The following RRM2 variants were observed in gnomAD, a reference collection of about 807,000 sequenced individuals.
RRM2 encodes the protein ribonucleoside-diphosphate reductase subunit M2.
In RRM2, 6 loss-of-function variants were observed where a neutral mutation model predicts 45.9. The ratio of observed to expected loss-of-function variants is 0.13; its 90% CI spans 0.07 to 0.26. The LOEUF (loss-of-function observed/expected upper bound fraction) is 0.26, where lower values mean the gene tolerates loss of function less well. RRM2 is among the 10% of genes least tolerant of loss of function. The probability of loss-of-function intolerance (pLI) is 1.00; values close to 1 mark genes in which losing one functional copy is unlikely to be tolerated. For synonymous variants in RRM2, 177 were observed against 173.0 expected, an observed-to-expected ratio of 1.02 and a Z score of -0.18; for missense variants, 343 against 489.5, an observed-to-expected ratio of 0.70 and a Z score of 2.82.
intron 3 of RRM2, among the ~76,000 whole-genome samples, chr2:10,143,311 T>C (rs910324523): frequency 6.6e-6 from 1 of 152,162 alleles, no homozygotes; most frequent in African/African-American, 2.4e-5. Flanking sequence ...CCTGGGAACC[T>C]CCTCAGACCC....
At chr2:10,126,594 A>C (rs969660318) in intron 5 of RRM2, 1 of 401,760 alleles carries the variant, frequency 2.5e-6, no homozygotes, top group African/African-American at 2.0e-5. Context: ...TCCCTGCTGT[A>C]CTGGACTATG....
chr2:10,154,691 CTT>C (rs70948874), intron 3 of RRM2, among the ~76,000 whole-genome samples: 4 of 95,744 alleles, frequency 4.2e-5, no homozygotes, highest in Admixed American at 1.3e-4. Flanking sequence ...AGTCCTGATT[CTT>C]TTTTTTTTTT....
intron 3 of RRM2, among the ~76,000 whole-genome samples, chr2:10,160,986 G>A (rs1286891460): frequency 1.3e-5 from 2 of 152,154 alleles, no homozygotes; most frequent in East Asian, 1.9e-4. Flanking sequence ...CCGTCCTTCC[G>A]AGCCTCCCTC....
intron 3 of RRM2, chr2:10,146,138 G>C (rs1186226061): frequency 6.6e-6 from 1 of 152,296 alleles, no homozygotes; most frequent in South Asian, 2.1e-4. Context: ...TTCTGGGAGG[G>C]AAGCATATCT....
rs1328001075 is a variant in RRM2 at position 10,200,694 on chromosome 2, GAGTCCCACGGGGACCGCGCACA to G, written n.483-9616_483-9595del. On this transcript the variant is annotated intron_variant and non_coding_transcript_variant, in intron 3 of 3. Transcript: ENST00000381786. Reference sequence around the variant, plus strand: ...CACAGGGACTGCGCGCACAAATTATGAGTCCCACGGGGACCGCGCACACAAAATATGAGGCCCGCCATCTAAG... The same window carrying G: ...CACAGGGACTGCGCGCACAAATTATGCAAAATATGAGGCCCGCCATCTAAG... Among the ~76,000 whole-genome samples, 4 of 135,442 alleles carry G rather than the reference GAGTCCCACGGGGACCGCGCACA, an allele frequency of 3.0e-5. No homozygotes were observed. The East Asian group carries it at 8.4e-4, about 28-fold the overall frequency. The allele number at this position is 135,442 out of a possible 152,430, so 88.9% of individuals were successfully genotyped here.
chr2:10,177,710 T>TTCCTTCCTTCCTTCCTCC (rs1553326755), intron 3 of RRM2, among the ~76,000 whole-genome samples: 9 of 116,488 alleles, frequency 7.7e-5, no homozygotes, highest in African/African-American at 2.6e-4. Context: ...TTCCTTCCTC[T>TTCCTTCCTTCCTTCCTCC]CTCCCTCCCT....
At chr2:10,194,100 G>A (rs928711564) in intron 3 of RRM2, among the ~76,000 whole-genome samples, 1 of 152,082 alleles carries the variant, frequency 6.6e-6, no homozygotes, top group African/African-American at 2.4e-5. Context: ...ACTCCAAAAC[G>A]CCTCATTTCA....
Position 10,169,367 on chromosome 2 carries a change from G to A in RRM2, n.482+26992G>A, listed in dbSNP as rs1663748321. ...GAGGGGAAATCTTAGGTTAATTGCTGGGTCCAGAATTGCTCTGAAAGACAA... is the reference window on the plus strand; with the variant it reads ...GAGGGGAAATCTTAGGTTAATTGCTAGGTCCAGAATTGCTCTGAAAGACAA... On this transcript the variant is annotated intron_variant and non_coding_transcript_variant, in intron 3 of 3. Transcript: ENST00000381786. This position sits in a 1 kb window ranked among gnomAD's most constrained non-coding sequence, Gnocchi z 5.1. Among the ~76,000 whole-genome samples the A allele has an allele frequency of 1.3e-5, 2 of 152,116 alleles. No homozygotes were observed. The highest frequency in any genetic ancestry group is 2.9e-5 in the Non-Finnish European group (2 of 68,026).
chr2:10,190,030 T>C (rs1664252387), intron 3 of RRM2, among the ~76,000 whole-genome samples: 1 of 151,334 alleles, frequency 6.6e-6, no homozygotes, highest in Admixed American at 6.6e-5. Context: ...ATGGTGGTGA[T>C]GGTGGTGATG....
chr2:10,173,299 C>T (rs529747103), intron 3 of RRM2, among the ~76,000 whole-genome samples: 6 of 152,280 alleles, frequency 3.9e-5, no homozygotes, highest in Admixed American at 3.3e-4. Flanking sequence ...CATCTCTCTC[C>T]GTTATTTGGT....
intron 3 of RRM2, among the ~76,000 whole-genome samples, chr2:10,179,442 C>T (rs1663998938): frequency 6.6e-6 from 1 of 152,212 alleles, no homozygotes; most frequent in South Asian, 2.1e-4. Context: ...TGAGCCACCA[C>T]ACCTGGCCTG....
intron 3 of RRM2, among the ~76,000 whole-genome samples, chr2:10,170,012 G>A (rs909593149): frequency 1.8e-4 from 28 of 152,182 alleles, no homozygotes; most frequent in African/African-American, 6.8e-4. Flanking sequence ...CACGGGAGCA[G>A]CTGATGCCCC....
chr2:10,165,419 C>T (rs777091431), intron 3 of RRM2, among the ~76,000 whole-genome samples: 20 of 152,182 alleles, frequency 1.3e-4, no homozygotes, highest in African/African-American at 4.8e-4. Flanking sequence ...CCGTAGCTGA[C>T]GGTCCCAGGA....
chr2:10,122,957 C>T, intron 1 of RRM2, 26 bp from the exon 2 acceptor site: 1 of 1,547,278 alleles, frequency 6.5e-7, no homozygotes, highest in Non-Finnish European at 8.7e-7. Context: ...CGAAGCCGCT[C>T]CTCACTCACA....
chr2:10,199,514 G>A (rs1421496329), intron 3 of RRM2, among the ~76,000 whole-genome samples: 1 of 151,904 alleles, frequency 6.6e-6, no homozygotes, highest in Non-Finnish European at 1.5e-5. Context: ...AGGTGTGGTG[G>A]CTCACACCTG....
intron 3 of RRM2, among the ~76,000 whole-genome samples, chr2:10,146,619 G>T (rs4669531): frequency 0.57 from 87,265 of 151,960 alleles, 25,597 homozygotes; most frequent in Non-Finnish European, 0.64. Flanking sequence ...CATGCTCCTC[G>T]CTCTGCCCCT....
rs955539085 is a variant in RRM2, at chr2:10,127,512, C to T, written c.798+292C>T. Among the ~76,000 whole-genome samples, 1 of 152,164 alleles carries T rather than the reference C, an allele frequency of 6.6e-6. No homozygotes were observed. Among genetic ancestry groups the T allele is most frequent in the African/African-American group, 2.4e-5 (1 of 41,426 alleles). ...TTGAGGTGACGGAATCTTGCTCTGT[C>T]GTTCCAGGCTGGAGTGCAATGGCGT... On this transcript the variant is annotated intron_variant, in intron 7 of 9. Transcript: ENST00000304567. This position sits in a 1 kb window ranked among gnomAD's most constrained non-coding sequence, Gnocchi z 4.1.
intron 3 of RRM2, among the ~76,000 whole-genome samples, chr2:10,144,276 C>T (rs1039361504): frequency 6.6e-6 from 1 of 152,240 alleles, no homozygotes; most frequent in Admixed American, 6.5e-5. Flanking sequence ...TCTCCTCACA[C>T]TCTTCCAAGG....
At chr2:10,190,278 G>GTGA (rs1664264318) in intron 3 of RRM2, among the ~76,000 whole-genome samples, 1 of 148,076 alleles carries the variant, frequency 6.8e-6, no homozygotes, top group Admixed American at 6.7e-5. Context: ...GGTGGTGGTG[G>GTGA]TGGAGGTGAT....
Sources: allele counts gnomAD v4.1 joint callset (sites outside exome capture counted in the v4.1 genomes callset), GRCh38; gene constraint gnomAD v4.1.1; non-coding constraint Gnocchi (gnomAD v3.1); transcripts MANE v1.5; gene names NCBI Gene and HGNC (gene_info 2026-07-23, HGNC 2026-07-21).